Variants in DAPK2 observed in about 807,000 individuals in gnomAD.
DAPK2 encodes the protein death-associated protein kinase 2.
In DAPK2, 35 loss-of-function variants were observed where a neutral mutation model predicts 44.1. That is an observed-to-expected ratio of 0.79 (90% CI 0.61 to 1.05). DAPK2 has a LOEUF of 1.05. DAPK2 is among the 50% of genes least tolerant of loss of function. The probability of loss-of-function intolerance (pLI) is 0.00; values close to 1 mark genes in which losing one functional copy is unlikely to be tolerated. For synonymous variants in DAPK2, 174 were observed against 182.6 expected (o/e 0.95, Z 0.38); for missense variants, 453 against 483.2 (o/e 0.94, Z 0.59).
In DAPK2 at chr15:63,917,690, C is replaced by G. The variant is rs1422575940; in HGVS notation, c.859-5493G>C. 1 of 152,230 alleles carries G rather than the reference C, an allele frequency of 6.6e-6. No individual in the cohort carries two copies. Among genetic ancestry groups the G allele is most frequent in the Non-Finnish European group, 1.5e-5 (1 of 68,058 alleles). 9.4% of individuals were successfully genotyped at this position (152,230 alleles called of 1,614,324 possible). ...CCATTCAACTGTTCCAAGTTCCTAA[C>G]CCCAATCTTGGCTCAGCCCCACCCC... On this transcript the variant is annotated intron_variant, in intron 8 of 10. Transcript: ENST00000261891. The surrounding 1 kb of genome is among the most constrained non-coding windows in gnomAD (Gnocchi z 4.4).
intron 2 of DAPK2, among the ~76,000 whole-genome samples, chr15:63,977,174 C>T (rs778909356): frequency 6.6e-6 from 1 of 152,222 alleles, no homozygotes; most frequent in African/African-American, 2.4e-5. Context: ...AGCATATGTA[C>T]CATCTGCCAT....
At chr15:64,005,676 GAGA>G (rs1427905438) in intron 1 of DAPK2, among the ~76,000 whole-genome samples, 7 of 152,208 alleles carry the variant, frequency 4.6e-5, no homozygotes, top group South Asian at 2.1e-4. Context: ...GCCCACAAAG[GAGA>G]AGAAGTAAAC....
chr15:64,018,429 C>G (rs531038749), intron 1 of DAPK2, among the ~76,000 whole-genome samples: 1 of 152,182 alleles, frequency 6.6e-6, no homozygotes, highest in Non-Finnish European at 1.5e-5. Flanking sequence ...CAACCAGGTA[C>G]GAAGAAGGTG....
At chr15:63,910,420 G>T (rs2078756925) in intron 10 of DAPK2, among the ~76,000 whole-genome samples, 1 of 152,180 alleles carries the variant, frequency 6.6e-6, no homozygotes, top group African/African-American at 2.4e-5. Flanking sequence ...CCTGACCTGT[G>T]CCATCCCAGA....
intron 1 of DAPK2, among the ~76,000 whole-genome samples, chr15:64,036,043 A>G (rs1161612067): frequency 6.6e-6 from 1 of 151,926 alleles, no homozygotes; most frequent in Admixed American, 6.6e-5. Flanking sequence ...GGGGAGGATC[A>G]CAAGGTCAAG....
chr15:63,959,255 C>T (rs375500482), intron 3 of DAPK2, among the ~76,000 whole-genome samples: 12 of 152,292 alleles, frequency 7.9e-5, no homozygotes, highest in South Asian at 4.1e-4. Flanking sequence ...AGATTTTGGG[C>T]TGAGATGATG....
rs1282866342 is a variant in DAPK2 at position 63,929,538 on chromosome 15, C to A, written c.659+13G>T. 1 of 1,608,270 alleles carries A rather than the reference C, an allele frequency of 6.2e-7. No individual in the cohort carries two copies. Among genetic ancestry groups the A allele is most frequent in the East Asian group, 2.2e-5 (1 of 44,888 alleles). On this transcript the variant is annotated intron_variant, in intron 6 of 10. Coordinates refer to ENST00000261891, the Ensembl canonical transcript of DAPK2. ...CTAAGCTGAGCCAGAGCCCCTGGAT[C>A]AGGGATACTCACAGGATGTAGGTGA...
intron 8 of DAPK2, chr15:63,922,845 C>T (rs1272702988): frequency 1.3e-6 from 2 of 1,535,764 alleles, no homozygotes; most frequent in African/African-American, 2.7e-5. Context: ...TCAGAGCTCC[C>T]ACTCTCCAGC....
chr15:64,036,326 T>TATATACAC (rs2080199514), intron 1 of DAPK2, among the ~76,000 whole-genome samples: 5 of 109,694 alleles, frequency 4.6e-5, no homozygotes, highest in African/African-American at 1.5e-4. Context: ...TATGTATATA[T>TATATACAC]ATATATATAT....
intron 3 of DAPK2, among the ~76,000 whole-genome samples, chr15:63,963,565 A>C (rs2077971910): frequency 6.6e-6 from 1 of 152,228 alleles, no homozygotes; most frequent in Non-Finnish European, 1.5e-5. Context: ...CTGATAAGTA[A>C]GGACTTACTC....
chr15:63,929,823 A>C, intron 5 of DAPK2: 1 of 655,938 alleles, frequency 1.5e-6, no homozygotes, highest in Non-Finnish European at 2.8e-6. Flanking sequence ...CTGCACTTGC[A>C]GGCTGTGTGA....
upstream of DAPK2, chr15:64,046,401 G>A (rs1451133904): frequency 3.1e-4 from 93 of 300,730 alleles, no homozygotes; most frequent in Non-Finnish European, 4.2e-4. The surrounding 1 kb of genome is among the most constrained non-coding windows in gnomAD (Gnocchi z 5.3). Context: ...AACGGGGGAC[G>A]CGGCGGGGTG....
At chr15:63,996,229 T>G (rs771960503) in intron 1 of DAPK2, among the ~76,000 whole-genome samples, 1 of 151,814 alleles carries the variant, frequency 6.6e-6, no homozygotes, top group Non-Finnish European at 1.5e-5. Flanking sequence ...AGGCCAGGAG[T>G]TGAAGACCAG....
intron 1 of DAPK2, among the ~76,000 whole-genome samples, chr15:64,021,496 T>A (rs897818249): frequency 5.9e-5 from 9 of 152,208 alleles, no homozygotes; most frequent in African/African-American, 1.9e-4. Flanking sequence ...CAAAGCTGGC[T>A]AAGCACAGCT....
intron 2 of DAPK2, among the ~76,000 whole-genome samples, chr15:63,982,480 A>G (rs976055924): frequency 2.0e-5 from 3 of 152,148 alleles, no homozygotes; most frequent in Admixed American, 6.5e-5. Flanking sequence ...GAGCCACTGC[A>G]CCAGGCCAGA....
intron 3 of DAPK2, among the ~76,000 whole-genome samples, chr15:63,946,128 A>G (rs993569735): frequency 2.0e-5 from 3 of 152,224 alleles, no homozygotes; most frequent in Non-Finnish European, 4.4e-5. Context: ...GGAGGCAGAA[A>G]TACCCTTGTC....
intron 3 of DAPK2, among the ~76,000 whole-genome samples, chr15:63,967,063 C>G (rs1567238351): frequency 1.3e-5 from 2 of 152,090 alleles, no homozygotes; most frequent in African/African-American, 4.8e-5. Flanking sequence ...GCCTGTAGTC[C>G]CAGCTACTCA....
At position 64,020,591 on chromosome 15, in the gene DAPK2, G is replaced by A. The variant is rs2079654570; in HGVS notation, c.92+19579C>T. Reference sequence around the variant, plus strand: ...CTACTTTGCCCATCTCCTCTGGGAAGGATTTATAGTTGACAAAAGAGACAC... The same window carrying A: ...CTACTTTGCCCATCTCCTCTGGGAAAGATTTATAGTTGACAAAAGAGACAC... On this transcript the variant is annotated intron_variant, in intron 1 of 10. Coordinates refer to ENST00000261891, the Ensembl canonical transcript of DAPK2. The surrounding 1 kb of genome is among the most constrained non-coding windows in gnomAD (Gnocchi z 4.5). 6.6e-6 allele frequency among the ~76,000 whole-genome samples: 1 copy of A among 152,176 alleles called. No homozygotes were observed. Among genetic ancestry groups the A allele is most frequent in the African/African-American group, 2.4e-5 (1 of 41,434 alleles).
At chr15:64,037,697 T>C (rs915332326) in intron 1 of DAPK2, among the ~76,000 whole-genome samples, 2 of 152,198 alleles carry the variant, frequency 1.3e-5, no homozygotes, top group Non-Finnish European at 2.9e-5. Context: ...AAGGCAGCTC[T>C]AGTTCTAGCC....
Sources: gnomAD v4.1 joint callset for allele counts (sites outside exome capture counted in the v4.1 genomes callset) on GRCh38, gnomAD v4.1.1 for gene constraint, Gnocchi (gnomAD v3.1) non-coding constraint, MANE v1.5 for transcripts, NCBI Gene and HGNC (gene_info 2026-07-23, HGNC 2026-07-21) for gene names.